The following CRYM variants were observed in gnomAD, a reference collection of about 807,000 sequenced individuals.
CRYM encodes the protein ketimine reductase mu-crystallin.
CRYM carries 18 observed loss-of-function variants against 32.9 expected under a neutral mutation model. That is an observed-to-expected ratio of 0.55 (90% CI 0.38 to 0.81). The LOEUF (loss-of-function observed/expected upper bound fraction) is 0.81. CRYM is among the 30% of genes least tolerant of loss of function. CRYM has a pLI of 0.00. For missense variants in CRYM, 337 were observed against 393.5 expected, an observed-to-expected ratio of 0.86 and a Z score of 1.21; for synonymous variants, 153 against 152.4, an observed-to-expected ratio of 1.00 and a Z score of -0.03.
At chr16:21,274,938 C>T (rs994009715) in intron 3 of CRYM, among the ~76,000 whole-genome samples, 1 of 152,178 alleles carries the variant, frequency 6.6e-6, no homozygotes, top group African/African-American at 2.4e-5. Context: ...TTGTCTACCT[C>T]CCCTGTGTGT....
intron 4 of CRYM, chr16:21,268,635 C>T (rs2093368880): frequency 6.6e-6 from 1 of 152,218 alleles, no homozygotes; most frequent in Non-Finnish European, 1.5e-5. Flanking sequence ...TTAACCTCTT[C>T]ACCCTTCTTG....
chr16:21,266,888 T>A (rs928624599), intron 5 of CRYM, among the ~76,000 whole-genome samples: 6 of 151,640 alleles, frequency 4.0e-5, no homozygotes, highest in African/African-American at 1.5e-4. Context: ...ATGCCTGTAG[T>A]CCCAGCTACT....
chr16:21,270,921 C>T (rs966666412), intron 3 of CRYM, among the ~76,000 whole-genome samples: 3 of 152,160 alleles, frequency 2.0e-5, no homozygotes, highest in Admixed American at 6.5e-5. Context: ...CCAATGAAGC[C>T]TTTCTGACCT....
At chr16:21,283,427 G>A (rs1014372538) in intron 1 of CRYM, 34 of 152,014 alleles carry the variant, frequency 2.2e-4, no homozygotes, top group African/African-American at 8.2e-4. Context: ...AGCTCCTCAC[G>A]AAATTTTATC....
chr16:21,299,901 CT>C (rs1960869961), intron 1 of CRYM: 1 of 152,120 alleles, frequency 6.6e-6, no homozygotes, highest in African/African-American at 2.4e-5. Flanking sequence ...TCCTATTATC[CT>C]TTCTTGAGTA....
intron 7 of CRYM, among the ~76,000 whole-genome samples, chr16:21,260,736 T>TC (rs573397300): frequency 8.4e-4 from 128 of 152,192 alleles, no homozygotes; most frequent in African/African-American, 3.0e-3. Context: ...GGTAGGGGGC[T>TC]CCCCATGGAA....
intron 3 of CRYM, among the ~76,000 whole-genome samples, chr16:21,273,056 C>A (rs1364212605): frequency 1.3e-5 from 2 of 151,916 alleles, no homozygotes; most frequent in East Asian, 3.9e-4. Context: ...TTTGCTTACC[C>A]CATGCTGAGC....
intron 1 of CRYM, among the ~76,000 whole-genome samples, chr16:21,294,763 C>T (rs369917565): frequency 1.3e-5 from 2 of 149,504 alleles, no homozygotes; most frequent in South Asian, 4.3e-4. Context: ...GGCGCGATCT[C>T]GACTCACTGC....
chr16:21,285,139 T>A (rs2152864193), intron 1 of CRYM, among the ~76,000 whole-genome samples: 1 of 152,362 alleles, frequency 6.6e-6, no homozygotes, highest in Non-Finnish European at 1.5e-5. Flanking sequence ...CTTGTTGAAT[T>A]GTTTCAGTTC....
At chr16:21,274,600 G>A (rs1434853681) in intron 3 of CRYM, among the ~76,000 whole-genome samples, 2 of 151,926 alleles carry the variant, frequency 1.3e-5, no homozygotes, top group East Asian at 3.9e-4. Flanking sequence ...TGTTTGTTTT[G>A]TTTTGTTTCC....
chr16:21,289,457 C>T (rs886651966), intron 1 of CRYM, among the ~76,000 whole-genome samples: 1 of 152,040 alleles, frequency 6.6e-6, no homozygotes. Context: ...TTATTTGTGC[C>T]TTTAAATTTA....
At chr16:21,268,217 G>A (rs752962893) in intron 4 of CRYM, among the ~76,000 whole-genome samples, 13 of 152,152 alleles carry the variant, frequency 8.5e-5, no homozygotes, top group Admixed American at 2.6e-4. Flanking sequence ...CTGAGACCCC[G>A]TAAAGGAGTT....
upstream of CRYM, chr16:21,278,455 T>C (rs1164999267): frequency 6.5e-6 from 4 of 618,782 alleles, no homozygotes; most frequent in Admixed American, 8.5e-5. Flanking sequence ...GCGAGATGGG[T>C]CCCTTCCAGC....
chr16:21,277,960 T>C lies in CRYM; in HGVS notation c.170+122A>G. On this transcript the variant is annotated intron_variant, in intron 1 of 7. Coordinates refer to ENST00000572914, the MANE Select transcript of CRYM (RefSeq NM_001376256.1). This position sits in a 1 kb window ranked among gnomAD's most constrained non-coding sequence, Gnocchi z 4.2. ...CACACCGGGTAGCGCCTATTAAAAG[T>C]GGCAGCTGTTAGCAACGGTTAGGCA... 1.7e-6 allele frequency: 2 copies of C among 1,152,406 alleles called. No homozygotes were observed. The highest frequency in any genetic ancestry group is 2.4e-6 in the Non-Finnish European group (2 of 825,196). 71.4% of individuals were successfully genotyped at this position (1,152,406 alleles called of 1,614,324 possible). A position where few individuals can be genotyped will look rare whatever the true frequency, so the allele number is the denominator to read the frequency against.
intron 1 of CRYM, among the ~76,000 whole-genome samples, chr16:21,294,917 G>A (rs966533742): frequency 7.2e-5 from 11 of 151,848 alleles, no homozygotes; most frequent in South Asian, 2.1e-4. Flanking sequence ...GGATGGTCTC[G>A]ATCTCCTGAC....
chr16:21,297,118 G>A (rs1349175765), intron 1 of CRYM, among the ~76,000 whole-genome samples: 1 of 152,094 alleles, frequency 6.6e-6, no homozygotes, highest in Non-Finnish European at 1.5e-5. Context: ...AAAAGGCCAG[G>A]CGCGGTGGCT....
At chr16:21,269,554 C>T (rs563293904) in intron 4 of CRYM, among the ~76,000 whole-genome samples, 1 of 152,300 alleles carries the variant, frequency 6.6e-6, no homozygotes, top group Non-Finnish European at 1.5e-5. Flanking sequence ...CTTGCTGTAT[C>T]CTCAGACAAA....
At chr16:21,290,173 T>C (rs556274911) in intron 1 of CRYM, among the ~76,000 whole-genome samples, 2 of 152,120 alleles carry the variant, frequency 1.3e-5, no homozygotes, top group African/African-American at 4.8e-5. Flanking sequence ...TTCCATGCTG[T>C]GGGAACTTTT....
At chr16:21,261,513 C>T (rs904815941) in intron 6 of CRYM, 175 bp from the exon 7 acceptor site, 40 of 631,472 alleles carry the variant, frequency 6.3e-5, no homozygotes, top group Non-Finnish European at 8.9e-5. Context: ...AGGCTGGCCC[C>T]GAAATCCTTT....
Sources: allele counts gnomAD v4.1 joint callset (sites outside exome capture counted in the v4.1 genomes callset), GRCh38; gene constraint gnomAD v4.1.1; non-coding constraint Gnocchi (gnomAD v3.1); transcripts MANE v1.5; gene names NCBI Gene and HGNC (gene_info 2026-07-23, HGNC 2026-07-21).